MTOR: variants seen among roughly 807,000 people sequenced by gnomAD.
MTOR encodes the protein serine/threonine-protein kinase mTOR.
A neutral mutation model predicts 319.8 loss-of-function variants in MTOR; 70 were observed. That is an observed-to-expected ratio of 0.22 (90% confidence interval 0.18 to 0.27). MTOR has a LOEUF of 0.27. MTOR is among the 10% of genes least tolerant of loss of function. The probability of loss-of-function intolerance (pLI) is 1.00; values close to 1 mark genes in which losing one functional copy is unlikely to be tolerated. For missense variants in MTOR, 1,890 were observed against 3,274.4 expected, an observed-to-expected ratio of 0.58 and a Z score of 10.32; for synonymous variants, 1,183 against 1,211.4, an observed-to-expected ratio of 0.98 and a Z score of 0.49.
intron 5 of MTOR, among the ~76,000 whole-genome samples, chr1:11,254,729 C>A (rs751772095): frequency 4.6e-5 from 7 of 151,900 alleles, no homozygotes; most frequent in Non-Finnish European, 4.4e-5. Flanking sequence ...TTTTGAGACA[C>A]CTATTTTTCC....
intron 29 of MTOR, 111 bp downstream of exon 29, chr1:11,167,331 T>C: frequency 1.2e-6 from 1 of 802,210 alleles, no homozygotes; most frequent in Admixed American, 1.9e-5. Flanking sequence ...ATCAGACTGT[T>C]ATGAATTGGA....
intron 29 of MTOR, among the ~76,000 whole-genome samples, chr1:11,159,245 C>T (rs1644403019): frequency 6.6e-6 from 1 of 152,198 alleles, no homozygotes; most frequent in African/African-American, 2.4e-5. Context: ...TCTCGCCCTA[C>T]TTTCTTCTCT....
chr1:11,243,797 AAT>A (rs760705607), intron 8 of MTOR, among the ~76,000 whole-genome samples: 2 of 152,248 alleles, frequency 1.3e-5, no homozygotes, highest in African/African-American at 4.8e-5. Flanking sequence ...TTGCTGAAGA[AAT>A]ATATGTCAAA....
In MTOR at chr1:11,181,750, G is replaced by A. The variant is rs932575998; in HGVS notation, c.4254-14233C>T. Among the ~76,000 whole-genome samples, 5 of 152,210 alleles carry A rather than the reference G, an allele frequency of 3.3e-5. No homozygotes were observed. The South Asian group carries it at 1.0e-3, about 32-fold the overall frequency. The stretch of plus-strand genomic sequence containing the variant: ...AGTCTCCATAATAGATATTTAGGGG[G>A]AAGAGAACCTTCTCTTTGAAATTCA... On this transcript the variant is annotated intron_variant, in intron 28 of 57. Transcript: ENST00000361445.
rs769738671 is a variant in MTOR, at chr1:11,194,586, T to C, written c.4253+4672A>G. 5 of 1,614,138 alleles carry C rather than the reference T, an allele frequency of 3.1e-6. No homozygotes were observed. In the South Asian group the frequency reaches 3.3e-5, roughly 11 times the overall value. ...TGGGGAACGACGCCCTCCAGTATCA[T>C]AACAACACAGCCTTCAGCACCAAGG... On this transcript the variant is annotated intron_variant, in intron 28 of 57. Transcript: ENST00000361445.
Position 11,231,344 on chromosome 1 carries a change from G to C in MTOR, c.2605C>G (p.Leu869Val). The stretch of plus-strand genomic sequence containing the variant: ...TTCTGCTCAGTCTTCAGAAAATTCA[G>C]TAGCACCTCAAGCAAAGTAGGGTAC... ...RKYPTLLEVL[L>V]NFLKTEQNQG... The change falls in exon 17 of 58, where the codon CTG becomes GTG. Residue 869 changes from leucine to valine, a missense_variant. Transcript: ENST00000361445. 2 of 1,614,136 alleles carry C rather than the reference G, an allele frequency of 1.2e-6. No homozygotes were observed. Among genetic ancestry groups the C allele is most frequent in the Non-Finnish European group, 1.7e-6 (2 of 1,180,018 alleles).
At position 11,259,417 on chromosome 1, in the gene MTOR, T is replaced by C. The variant is rs1650827015; in HGVS notation, c.-8A>G. The C allele has an allele frequency of 1.3e-6, 2 of 1,541,654 alleles. No homozygotes were observed. The highest frequency in any genetic ancestry group is 1.4e-5 in the African/African-American group (1 of 70,950). ...AGGTCCGGTTCCAAGCATCTTGCCC[T>C]GAGGTTCTTTAGAGAGAAGTTTCCT... On this transcript the variant is annotated 5_prime_UTR_variant, in exon 2 of 58. Transcript: ENST00000361445.
At position 11,253,979 on chromosome 1, in the gene MTOR, TAG is replaced by T. The variant is rs772132329; in HGVS notation, c.706-8_706-7del. On this transcript the variant is annotated splice_region_variant and splice_polypyrimidine_tract_variant and intron_variant, in intron 5 of 57. Transcript: ENST00000361445. ...TCTGCTTCTTCAAATGTGTGCTATG[TAG>T]AGAGACAGGGTGCCTTCATTAGAGA... 30 of 1,614,020 alleles carry T rather than the reference TAG, an allele frequency of 1.9e-5. No individual in the cohort carries two copies. The highest frequency in any genetic ancestry group is 2.5e-5 in the Non-Finnish European group (29 of 1,180,024).
At chr1:11,180,125 G>C (rs997439184) in intron 28 of MTOR, among the ~76,000 whole-genome samples, 88 of 152,190 alleles carry the variant, frequency 5.8e-4, no homozygotes, top group African/African-American at 2.1e-3. Flanking sequence ...GGCTGGTCTT[G>C]AACTCCTGGC....
intron 29 of MTOR, among the ~76,000 whole-genome samples, chr1:11,166,400 G>GA (rs879484706): frequency 4.6e-5 from 7 of 152,076 alleles, no homozygotes; most frequent in Non-Finnish European, 8.8e-5. Context: ...AAATTTACAA[G>GA]AAAAAATCAA....
At chr1:11,161,101 C>T (rs1038442702) in intron 29 of MTOR, among the ~76,000 whole-genome samples, 3 of 152,220 alleles carry the variant, frequency 2.0e-5, no homozygotes, top group Non-Finnish European at 4.4e-5. Flanking sequence ...CTGCGCTTTT[C>T]CAACGGTCTT....
chr1:11,236,555 T>C (rs1271989396), intron 13 of MTOR, among the ~76,000 whole-genome samples: 6 of 150,936 alleles, frequency 4.0e-5, no homozygotes, highest in Non-Finnish European at 8.9e-5. Flanking sequence ...GTCGCCAGGC[T>C]GGAGTGCAGT....
At position 11,231,286 on chromosome 1, in the gene MTOR, GCCACGT is replaced by G; in HGVS notation, c.2649+8_2649+13del. ...AGCAAAGTCTTTAAAGACCAAGTTT[GCCACGT>G]CCCCTACCTCTCTGCGTGTACCCTG... On this transcript the variant is annotated splice_region_variant and intron_variant, in intron 17 of 57. Coordinates refer to ENST00000361445, the MANE Select transcript of MTOR (RefSeq NM_004958.4). The G allele has an allele frequency of 3.1e-6, 5 of 1,613,666 alleles. No individual in the cohort carries two copies. The highest frequency in any genetic ancestry group is 4.2e-6 in the Non-Finnish European group (5 of 1,179,810).
chr1:11,124,437 C>G (rs2100380272), intron 47 of MTOR, 61 bp downstream of exon 47: 1 of 1,577,588 alleles, frequency 6.3e-7, no homozygotes, highest in East Asian at 2.3e-5. Flanking sequence ...CTACACGAGA[C>G]AAATGTAGGA....
rs542825761 is a variant in MTOR, at chr1:11,130,469, C to T, written c.5613+60G>A. ...GTTCCTTTTAAGCTTAACAACGATTCCATTTCTCAGAGAGCCTGGCACCTT... is the reference window on the plus strand; with the variant it reads ...GTTCCTTTTAAGCTTAACAACGATTTCATTTCTCAGAGAGCCTGGCACCTT... On this transcript the variant is annotated intron_variant, in intron 39 of 57. Transcript: ENST00000361445. 2.8e-3 allele frequency: 4,345 copies of T among 1,577,482 alleles called. 7 individuals carry two copies. Among genetic ancestry groups the T allele is most frequent in the Non-Finnish European group, 3.4e-3 (4,001 of 1,162,788 alleles).
intron 31 of MTOR, chr1:11,149,352 G>A (rs761619565): frequency 1.3e-5 from 2 of 152,202 alleles, no homozygotes; most frequent in African/African-American, 2.4e-5. Context: ...GAAAGGTGAA[G>A]AGGTTGAAAA....
chr1:11,170,940 A>G (rs1319191775), intron 28 of MTOR, among the ~76,000 whole-genome samples: 1 of 151,796 alleles, frequency 6.6e-6, no homozygotes, highest in African/African-American at 2.4e-5. Flanking sequence ...TAACTCTAAG[A>G]AACGACATAA....
chr1:11,186,364 C>T (rs1346992059), intron 28 of MTOR, among the ~76,000 whole-genome samples: 1 of 152,174 alleles, frequency 6.6e-6, no homozygotes. Context: ...GACCCTCAGA[C>T]TACCTTGGTG....
intron 11 of MTOR, 90 bp from the exon 12 acceptor site, chr1:11,238,707 G>A: frequency 1.8e-6 from 2 of 1,135,474 alleles, no homozygotes; most frequent in Non-Finnish European, 2.5e-6. Flanking sequence ...TCCATTTTGA[G>A]GCTACTAATT....
Sources: gnomAD v4.1 joint callset for allele counts (sites outside exome capture counted in the v4.1 genomes callset) on GRCh38, gnomAD v4.1.1 for gene constraint, MANE v1.5 for transcripts, NCBI Gene and HGNC (gene_info 2026-07-23, HGNC 2026-07-21) for gene names.